FSTL5: variants seen among roughly 807,000 people sequenced by gnomAD.
The protein encoded by FSTL5 is follistatin-related protein 5.
A neutral mutation model predicts 89.1 loss-of-function variants in FSTL5; 62 were observed. The ratio of observed to expected loss-of-function variants is 0.70; its 90% CI spans 0.57 to 0.86. The LOEUF is 0.86. FSTL5 is among the 40% of genes least tolerant of loss of function. The pLI, the probability that FSTL5 is intolerant of heterozygous loss-of-function variation, is 0.00. For synonymous variants in FSTL5, 383 were observed against 346.2 expected, an observed-to-expected ratio of 1.11 and a Z score of -1.18; for missense variants, 1,057 against 1,001.6, an observed-to-expected ratio of 1.06 and a Z score of -0.75.
At chr4:161,513,379 C>A (rs1730718433) in intron 10 of FSTL5, among the ~76,000 whole-genome samples, 1 of 149,324 alleles carries the variant, frequency 6.7e-6, no homozygotes, top group East Asian at 2.0e-4. Context: ...GGGAGAGGAT[C>A]AGGAAAAATA....
chr4:161,737,494 T>A (rs116710205), intron 6 of FSTL5, among the ~76,000 whole-genome samples: 1 of 152,140 alleles, frequency 6.6e-6, no homozygotes, highest in Non-Finnish European at 1.5e-5. Flanking sequence ...ACTTTATAAC[T>A]TTATTCTGCA....
intron 7 of FSTL5, among the ~76,000 whole-genome samples, chr4:161,598,375 A>AAAACAAACAAACAAAC (rs34689880): frequency 1.3e-5 from 2 of 149,686 alleles, no homozygotes; most frequent in Non-Finnish European, 3.0e-5. Flanking sequence ...ACCCTGTCTC[A>AAAACAAACAAACAAAC]AAACAAACAA....
intron 7 of FSTL5, among the ~76,000 whole-genome samples, chr4:161,596,905 A>G (rs1734032387): frequency 6.6e-6 from 1 of 151,982 alleles, no homozygotes; most frequent in African/African-American, 2.4e-5. Context: ...AATTTGTTTG[A>G]GTCCTTTGTA....
At chr4:161,640,279 A>G (rs1560764344) in intron 7 of FSTL5, among the ~76,000 whole-genome samples, 1 of 152,188 alleles carries the variant, frequency 6.6e-6, no homozygotes, top group African/African-American at 2.4e-5. Context: ...ATATGAAGAA[A>G]TGGGAAAGCC....
chr4:161,827,540 A>C (rs2126857400), intron 4 of FSTL5, among the ~76,000 whole-genome samples: 1 of 152,242 alleles, frequency 6.6e-6, no homozygotes, highest in African/African-American at 2.4e-5. Flanking sequence ...TTTGTCTTCG[A>C]CTACCAGGGC....
At chr4:161,492,379 C>T (rs1560921663) in intron 12 of FSTL5, among the ~76,000 whole-genome samples, 1 of 151,954 alleles carries the variant, frequency 6.6e-6, no homozygotes. Context: ...TAGAGGTATA[C>T]CATGAAATGT....
At chr4:161,926,019 A>G (rs1204274793) in intron 3 of FSTL5, among the ~76,000 whole-genome samples, 1 of 151,928 alleles carries the variant, frequency 6.6e-6, no homozygotes, top group African/African-American at 2.4e-5. Flanking sequence ...AAATGGAAAA[A>G]TTGTGAAACT....
intron 15 of FSTL5, among the ~76,000 whole-genome samples, chr4:161,437,647 C>T (rs186450048): frequency 6.3e-4 from 95 of 150,470 alleles, no homozygotes; most frequent in African/African-American, 2.1e-3. Context: ...AGAATGGACA[C>T]TTTATCATAT....
intron 7 of FSTL5, among the ~76,000 whole-genome samples, chr4:161,651,519 G>A (rs1170534506): frequency 6.6e-6 from 1 of 151,940 alleles, no homozygotes; most frequent in African/African-American, 2.4e-5. Flanking sequence ...ATATAAGAAG[G>A]AAGAGAAGAA....
chr4:161,714,870 T>G (rs1021884010), intron 6 of FSTL5, among the ~76,000 whole-genome samples: 1 of 152,188 alleles, frequency 6.6e-6, no homozygotes, highest in African/African-American at 2.4e-5. Flanking sequence ...CTATCCTATA[T>G]GTACTAGGTA....
chr4:162,090,943 CTT>C (rs577974934), intron 2 of FSTL5, among the ~76,000 whole-genome samples: 227 of 152,184 alleles, frequency 1.5e-3, no homozygotes, highest in African/African-American at 5.2e-3. Context: ...AAGTTGTACT[CTT>C]GTTTACAGAG....
chr4:161,776,759 A>G (rs1055218295), intron 4 of FSTL5, among the ~76,000 whole-genome samples: 1 of 151,956 alleles, frequency 6.6e-6, no homozygotes, highest in Admixed American at 6.6e-5. Context: ...ATGTCTGTAC[A>G]TATTTATGGG....
chr4:161,994,745 A>C (rs1339917768), intron 3 of FSTL5, among the ~76,000 whole-genome samples: 1 of 151,978 alleles, frequency 6.6e-6, no homozygotes, highest in African/African-American at 2.4e-5. Flanking sequence ...TTTTCTTCCA[A>C]ATGTGTTTAA....
In FSTL5 at chr4:161,616,812, C is replaced by T. The variant is rs1734889396; in HGVS notation, c.895-29237G>A. Among the ~76,000 whole-genome samples the T allele has an allele frequency of 2.7e-5, 4 of 148,978 alleles. No homozygotes were observed. In the South Asian group the frequency reaches 6.3e-4, roughly 23 times the overall value. On this transcript the variant is annotated intron_variant, in intron 7 of 15. Transcript: ENST00000306100. ...AGCAAACCACCCTGACACATGTTTACCTATGTAACAAACCTGCATATCCTG... is the reference window on the plus strand; with the variant it reads ...AGCAAACCACCCTGACACATGTTTATCTATGTAACAAACCTGCATATCCTG...
chr4:161,391,917 A>G (rs1730835260), intron 15 of FSTL5, among the ~76,000 whole-genome samples: 1 of 152,236 alleles, frequency 6.6e-6, no homozygotes, highest in African/African-American at 2.4e-5. Context: ...CTGAATAAGT[A>G]CATCATAGAA....
chr4:161,665,086 C>A (rs1736839931), intron 6 of FSTL5, among the ~76,000 whole-genome samples: 2 of 152,164 alleles, frequency 1.3e-5, no homozygotes, highest in South Asian at 2.1e-4. Context: ...CCAGCTAAAC[C>A]ATGTCAGTCA....
chr4:161,765,038 C>T (rs1332135238), intron 5 of FSTL5, among the ~76,000 whole-genome samples: 25 of 152,166 alleles, frequency 1.6e-4, no homozygotes, highest in Admixed American at 1.6e-3. Context: ...CATTGTTGCT[C>T]TTATTATTCT....
At chr4:161,457,173 T>A (rs148419935) in intron 14 of FSTL5, among the ~76,000 whole-genome samples, 1 of 152,282 alleles carries the variant, frequency 6.6e-6, no homozygotes, top group East Asian at 1.9e-4. Context: ...TGTTTGCCAA[T>A]CAATGAATCA....
chr4:161,842,409 C>A (rs1027692220), intron 4 of FSTL5, among the ~76,000 whole-genome samples: 1 of 152,124 alleles, frequency 6.6e-6, no homozygotes, highest in African/African-American at 2.4e-5. Flanking sequence ...AAAGCATAAA[C>A]ACTTTCACCT....
Sources: gnomAD v4.1 joint callset for allele counts (sites outside exome capture counted in the v4.1 genomes callset) on GRCh38, gnomAD v4.1.1 for gene constraint, MANE v1.5 for transcripts, NCBI Gene and HGNC (gene_info 2026-07-23, HGNC 2026-07-21) for gene names.